UNC80: variants seen among roughly 807,000 people sequenced by gnomAD.
UNC80 encodes unc-80 subunit of NALCN channel complex, also known as protein unc-80 homolog.
A neutral mutation model predicts 384.6 loss-of-function variants in UNC80; 164 were observed. The observed-to-expected ratio is 0.43, with a 90% CI of 0.38 to 0.49. The LOEUF (loss-of-function observed/expected upper bound fraction) is 0.49. UNC80 is among the 20% of genes least tolerant of loss of function. The pLI is 0.00. For missense variants in UNC80, 3,330 were observed against 4,143.0 expected (o/e 0.80, Z 5.39); for synonymous variants, 1,486 against 1,527.8 (o/e 0.97, Z 0.64).
chr2:209,934,077 G>A (rs1207582750), intron 39 of UNC80, 72 bp downstream of exon 39: 1 of 1,364,832 alleles, frequency 7.3e-7, no homozygotes, highest in African/African-American at 1.5e-5. Flanking sequence ...AAGACTAAGA[G>A]TCTCTTTCAT....
chr2:209,952,666 C>T (rs1387537207), intron 47 of UNC80, among the ~76,000 whole-genome samples: 2 of 152,174 alleles, frequency 1.3e-5, no homozygotes, highest in Non-Finnish European at 2.9e-5. Flanking sequence ...CTTTCTTTCT[C>T]CCAGAAGTCT....
At chr2:209,953,090 C>A (rs1446679184) in intron 47 of UNC80, among the ~76,000 whole-genome samples, 1 of 152,066 alleles carries the variant, frequency 6.6e-6, no homozygotes, top group Admixed American at 6.6e-5. Flanking sequence ...CTAGAACCCA[C>A]AATCTTTAAA....
chr2:209,859,824 C>T (rs2083221498), intron 22 of UNC80, among the ~76,000 whole-genome samples: 1 of 152,102 alleles, frequency 6.6e-6, no homozygotes, highest in Non-Finnish European at 1.5e-5. Flanking sequence ...TGCATAATGT[C>T]TCCTTTTGAA....
chr2:209,922,280 T>C lies in UNC80; in HGVS notation c.5559T>C (p.Arg1853=), dbSNP rs1339488569. The C allele has an allele frequency of 6.4e-7, 1 of 1,552,152 alleles. No individual in the cohort carries two copies. The highest frequency in any genetic ancestry group is 8.7e-7 in the Non-Finnish European group (1 of 1,147,130). The stretch of plus-strand genomic sequence containing the variant: ...AAGAAGTCACCAATCTGGCATCCCG[T>C]CGACTGTCTGTGAGTCCATCCTGCA... ...EVEEVTNLAS[R]RLSVSPSCTS... The change falls in exon 35 of 65, where the codon CGT becomes CGC. Residue 1853 remains arginine (R), a synonymous_variant. Transcript: ENST00000673920.
chr2:209,942,318 A>G (rs1208538950), intron 44 of UNC80, among the ~76,000 whole-genome samples: 1 of 152,170 alleles, frequency 6.6e-6, no homozygotes, highest in African/African-American at 2.4e-5. Flanking sequence ...ACTGCCCTAG[A>G]AAGTTTGAGA....
Position 209,773,003 on chromosome 2 carries a change from C to T in UNC80, c.93-91C>T, listed in dbSNP as rs923345276. The T allele has an allele frequency of 4.8e-6, 5 of 1,033,028 alleles. No homozygotes were observed. In the African/African-American group the frequency reaches 8.0e-5, roughly 17 times the overall value. 64.0% of individuals were successfully genotyped at this position (1,033,028 alleles called of 1,614,324 possible). A position where few individuals can be genotyped will look rare whatever the true frequency, so the allele number is the denominator to read the frequency against. On this transcript the variant is annotated intron_variant, in intron 1 of 64. Coordinates refer to ENST00000673920, the MANE Select transcript of UNC80 (RefSeq NM_001371986.1). Reference sequence around the variant, plus strand: ...GCATGAAATTTGAATTTCATAGCATCCTGTCTTATTCATTGAAAAATACGT... The same window carrying T: ...GCATGAAATTTGAATTTCATAGCATTCTGTCTTATTCATTGAAAAATACGT...
Position 209,995,382 on chromosome 2 carries a change from A to G in UNC80, c.9762A>G (p.Gln3254=). ...EGEKEEDTEA[Q]GATAHSPLSA... ...AAAAGGAGGAGGACACAGAAGCACA[A>G]GGTGCTACTGCACACAGTCCACTCT... The change falls in exon 65 of 65, where the codon CAA becomes CAG. Residue 3254 remains glutamine, a synonymous_variant. Transcript: ENST00000673920. 6.4e-7 allele frequency: 1 copy of G among 1,552,170 alleles called. No homozygotes were observed. Among genetic ancestry groups the G allele is most frequent in the African/African-American group, 1.4e-5 (1 of 73,192 alleles).
intron 35 of UNC80, among the ~76,000 whole-genome samples, chr2:209,924,455 C>G (rs982450365): frequency 1.3e-5 from 2 of 152,054 alleles, no homozygotes; most frequent in African/African-American, 4.8e-5. Context: ...TACTGAGGAC[C>G]ACTTTGGGTG....
At chr2:209,834,766 T>C in intron 17 of UNC80, 146 bp from the exon 18 acceptor site, 1 of 594,854 alleles carries the variant, frequency 1.7e-6, no homozygotes, top group South Asian at 1.9e-5. Context: ...GCGGTATAAA[T>C]TCTAAACAAC....
At chr2:209,960,604 C>T (rs1268497680) in intron 51 of UNC80, among the ~76,000 whole-genome samples, 3 of 151,448 alleles carry the variant, frequency 2.0e-5, no homozygotes, top group African/African-American at 7.4e-5. Flanking sequence ...CTCACAGTTT[C>T]CTGGTTATTG....
chr2:209,809,300 A>G, intron 7 of UNC80: 1 of 757,996 alleles, frequency 1.3e-6, no homozygotes, highest in Non-Finnish European at 2.5e-6. Context: ...CTCAAGAAAC[A>G]CATCCGAAGC....
intron 7 of UNC80, among the ~76,000 whole-genome samples, chr2:209,798,113 C>T (rs2078284491): frequency 6.6e-6 from 1 of 152,136 alleles, no homozygotes. Flanking sequence ...TGTAGGCTGC[C>T]TGTTCACTCT....
At position 209,786,094 on chromosome 2, in the gene UNC80, G is replaced by A; in HGVS notation, c.629G>A (p.Ser210Asn). ...KESDLTFRLA[S>N]GLVIWQPMWE... ...TCTGACCTCACCTTCCGTCTGGCCA[G>A]TGGGCTTGTTATATGGCAGCCCATG... Residue 210 changes from serine (S) to asparagine (N), a missense_variant, in exon 5 of 65, where the codon AGT becomes AAT. This residue lies in a region of UNC80 where 937 missense variants were observed against 1,026.8 expected (regional missense o/e 0.91). Coordinates refer to ENST00000673920, the MANE Select transcript of UNC80 (RefSeq NM_001371986.1). The A allele has an allele frequency of 6.2e-7, 1 of 1,614,030 alleles. No homozygotes were observed. The highest frequency in any genetic ancestry group is 8.5e-7 in the Non-Finnish European group (1 of 1,179,942).
chr2:209,938,271 A>G (rs1421005166), intron 42 of UNC80, among the ~76,000 whole-genome samples: 1 of 152,222 alleles, frequency 6.6e-6, no homozygotes, highest in East Asian at 1.9e-4. Flanking sequence ...TAGCTTTAGT[A>G]CACAATTCTA....
intron 2 of UNC80, among the ~76,000 whole-genome samples, chr2:209,773,428 A>C (rs59004758): frequency 6.6e-6 from 1 of 152,336 alleles, no homozygotes; most frequent in East Asian, 1.9e-4. Flanking sequence ...AGCAAAAAGA[A>C]ATACTAGGAA....
chr2:209,817,905 A>G lies in UNC80; in HGVS notation c.1646A>G (p.Asp549Gly). Residue 549 changes from aspartate to glycine, a missense_variant, in exon 11 of 65, where the codon GAC (aspartate) becomes GGC (glycine). Around this residue, in one of 8 missense-constraint regions of UNC80, gnomAD observed 937 missense variants for 1,026.8 expected, o/e 0.91. Coordinates refer to ENST00000673920, the MANE Select transcript of UNC80 (RefSeq NM_001371986.1). ...HSHSHHTLVS[D>G]LPDPSNSHGE... ...CACTCCCATCACACCCTGGTAAGCG[A>G]CCTGCCGGACCCCTCCAACAGCCAT... 6.4e-7 allele frequency: 1 copy of G among 1,551,566 alleles called. No homozygotes were observed. Among genetic ancestry groups the G allele is most frequent in the Non-Finnish European group, 8.7e-7 (1 of 1,146,958 alleles).
intron 35 of UNC80, 110 bp from the exon 36 acceptor site, chr2:209,926,733 G>A: frequency 7.4e-7 from 1 of 1,346,310 alleles, no homozygotes; most frequent in Non-Finnish European, 1.0e-6. Flanking sequence ...CAGTGATCAT[G>A]CCACTGTACT....
chr2:209,816,805 T>C (rs1447450669), intron 9 of UNC80, 104 bp from the exon 10 acceptor site: 1 of 1,043,628 alleles, frequency 9.6e-7, no homozygotes, highest in Non-Finnish European at 1.4e-6. Context: ...CTTCTCTTCC[T>C]GGCACATTTC....
chr2:209,863,529 T>C (rs2083488000), intron 22 of UNC80, among the ~76,000 whole-genome samples: 1 of 152,034 alleles, frequency 6.6e-6, no homozygotes, highest in Admixed American at 6.5e-5. Context: ...GCTTTGTTCA[T>C]TCCTTTTCAT....
Sources: gnomAD v4.1 joint callset for allele counts (sites outside exome capture counted in the v4.1 genomes callset) on GRCh38, gnomAD v4.1.1 for gene constraint, gnomAD v4.1.1 regional missense constraint, MANE v1.5 for transcripts, NCBI Gene and HGNC (gene_info 2026-07-23, HGNC 2026-07-21) for gene names.